The following SOAT1 variants were observed in gnomAD, a reference collection of about 807,000 sequenced individuals.
SOAT1 encodes sterol O-acyltransferase 1, also known as acyl-coenzyme A:cholesterol acyltransferase 1.
SOAT1 carries 55 observed loss-of-function variants against 69.5 expected under a neutral mutation model. The observed-to-expected ratio is 0.79, with a 90% CI of 0.64 to 0.99. The LOEUF is 0.99. SOAT1 is among the 50% of genes least tolerant of loss of function. The pLI is 0.00. For synonymous variants in SOAT1, 231 were observed against 224.7 expected, an observed-to-expected ratio of 1.03 and a Z score of -0.25; for missense variants, 580 against 669.3, an observed-to-expected ratio of 0.87 and a Z score of 1.47.
intron 2 of SOAT1, among the ~76,000 whole-genome samples, chr1:179,308,762 G>GA (rs1665116070): frequency 6.7e-6 from 1 of 149,502 alleles, no homozygotes; most frequent in South Asian, 2.1e-4. Flanking sequence ...TATACTCATT[G>GA]AAAAAATTCA....
intron 1 of SOAT1, among the ~76,000 whole-genome samples, chr1:179,295,039 C>G (rs1664585648): frequency 6.6e-6 from 1 of 151,800 alleles, no homozygotes; most frequent in African/African-American, 2.4e-5. Context: ...TTGGAAGGAG[C>G]TCTGTGGCAC....
In SOAT1 at chr1:179,353,689, C is replaced by A. The variant is rs760663577; in HGVS notation, c.*48C>A. ...TTGTCACTGAAGATTGGGTAGCTCC[C>A]TGATTTGGAGCCAGCTGTTTCCAGT... is the stretch of plus-strand genomic sequence containing the variant. On this transcript the variant is annotated 3_prime_UTR_variant, in exon 16 of 16. Coordinates refer to ENST00000367619, the MANE Select transcript of SOAT1 (RefSeq NM_003101.6). 4.9e-5 allele frequency: 72 copies of A among 1,475,836 alleles called. No individual in the cohort carries two copies. The Admixed American group carries it at 1.2e-3, about 25-fold the overall frequency. The allele number at this position is 1,475,836 out of a possible 1,614,324, so 91.4% of individuals were successfully genotyped here. A position where few individuals can be genotyped will look rare whatever the true frequency, so the allele number is the denominator to read the frequency against.
intron 11 of SOAT1, among the ~76,000 whole-genome samples, chr1:179,347,078 G>C (rs1666556271): frequency 6.6e-6 from 1 of 151,940 alleles, no homozygotes; most frequent in South Asian, 2.1e-4. Flanking sequence ...GACTGGGTAG[G>C]CTGGGCGCGA....
At chr1:179,299,745 C>CTTTTTTTTTTTTTTTTTT (rs1162260815) in intron 1 of SOAT1, among the ~76,000 whole-genome samples, 4 of 69,520 alleles carry the variant, frequency 5.8e-5, no homozygotes, top group Non-Finnish European at 1.0e-4. Flanking sequence ...ATTTTGCTAT[C>CTTTTTTTTTTTTTTTTTT]TTTTTTTTTT....
intron 3 of SOAT1, among the ~76,000 whole-genome samples, chr1:179,326,496 G>A (rs1665795055): frequency 6.7e-6 from 1 of 150,354 alleles, no homozygotes; most frequent in South Asian, 2.1e-4. Flanking sequence ...TCAATTATTT[G>A]CTGTCTAATG....
At chr1:179,347,535 A>C in intron 11 of SOAT1, 65 bp from the exon 12 acceptor site, 1 of 867,176 alleles carries the variant, frequency 1.2e-6, no homozygotes, top group Non-Finnish European at 1.9e-6. Context: ...ATGATGTGAT[A>C]TAATTAGTTG....
chr1:179,304,639 C>T (rs932977375), intron 2 of SOAT1, among the ~76,000 whole-genome samples: 3 of 151,728 alleles, frequency 2.0e-5, no homozygotes, highest in Non-Finnish European at 4.4e-5. Flanking sequence ...CCCCCATCCC[C>T]TTCTCTTCCT....
rs954865108 is a variant in SOAT1 at position 179,308,814 on chromosome 1, A to AT, written c.118+6021dup. ...ATTAAGTAATACTTCCTCAAGTAAC[A>AT]TTTTTTTTTACATGTGGGATCATAT... On this transcript the variant is annotated intron_variant, in intron 2 of 15. Coordinates refer to ENST00000367619, the MANE Select transcript of SOAT1 (RefSeq NM_003101.6). 6.0e-5 allele frequency among the ~76,000 whole-genome samples: 9 copies of AT among 148,776 alleles called. No individual in the cohort carries two copies. The South Asian group carries it at 1.1e-3, about 18-fold the overall frequency.
Position 179,295,278 on chromosome 1 carries a change from C to T in SOAT1, c.-9+1342C>T, listed in dbSNP as rs139172776. On this transcript the variant is annotated intron_variant, in intron 1 of 15. Transcript: ENST00000367619. ...CTTGGCTTTTAGGAGTTTCCTCCAC[C>T]TCTAATGCTGTATTCTCTCCCTCCC... 3.3e-5 allele frequency among the ~76,000 whole-genome samples: 5 copies of T among 152,256 alleles called. No homozygotes were observed. The East Asian group carries it at 9.7e-4, about 29-fold the overall frequency.
intron 2 of SOAT1, among the ~76,000 whole-genome samples, chr1:179,310,208 A>ATTT (rs35647660): frequency 6.7e-6 from 1 of 150,180 alleles, no homozygotes; most frequent in Admixed American, 6.7e-5. Flanking sequence ...CTGCTTATAG[A>ATTT]TATTTTTTTT....
chr1:179,343,355 G>T (rs1443292733), intron 9 of SOAT1, among the ~76,000 whole-genome samples: 1 of 151,850 alleles, frequency 6.6e-6, no homozygotes, highest in African/African-American at 2.4e-5. Flanking sequence ...ATCCCAAGTA[G>T]CTGGCATTAC....
At chr1:179,320,989 T>A (rs932083408) in intron 2 of SOAT1, among the ~76,000 whole-genome samples, 1 of 151,822 alleles carries the variant, frequency 6.6e-6, no homozygotes, top group Admixed American at 6.6e-5. Context: ...TACTGCAACC[T>A]CTGCCTCCTG....
intron 7 of SOAT1, 156 bp from the exon 8 acceptor site, chr1:179,341,958 C>A: frequency 1.8e-6 from 1 of 552,760 alleles, no homozygotes; most frequent in Non-Finnish European, 2.3e-6. Flanking sequence ...ATTGTTTTGT[C>A]ATGTAACTAT....
chr1:179,302,529 C>A, intron 1 of SOAT1, 148 bp from the exon 2 acceptor site: 1 of 473,860 alleles, frequency 2.1e-6, no homozygotes, highest in South Asian at 4.6e-5. Context: ...GGTCTTCTGC[C>A]ATGATTGTAA....
chr1:179,300,676 A>G (rs1183604464), intron 1 of SOAT1, among the ~76,000 whole-genome samples: 3 of 152,202 alleles, frequency 2.0e-5, no homozygotes, highest in Non-Finnish European at 1.5e-5. Flanking sequence ...GAAAAACTGT[A>G]GTCTCAGAAT....
intron 1 of SOAT1, among the ~76,000 whole-genome samples, chr1:179,300,117 C>G (rs991600974): frequency 6.6e-6 from 1 of 151,464 alleles, no homozygotes; most frequent in African/African-American, 2.4e-5. Flanking sequence ...AAAAGAGTAT[C>G]TACTTTAAAT....
At chr1:179,307,303 G>T (rs1665041444) in intron 2 of SOAT1, among the ~76,000 whole-genome samples, 2 of 152,092 alleles carry the variant, frequency 1.3e-5, no homozygotes, top group African/African-American at 4.8e-5. Context: ...TCATCAAGAT[G>T]GTAAACTAAA....
chr1:179,307,116 ACT>A (rs1209928914), intron 2 of SOAT1, among the ~76,000 whole-genome samples: 4 of 152,224 alleles, frequency 2.6e-5, no homozygotes, highest in Non-Finnish European at 5.9e-5. Context: ...GAGTGAAAAC[ACT>A]GTTTGCCAAA....
Position 179,347,477 on chromosome 1 carries a change from A to G in SOAT1, c.1118-123A>G, listed in dbSNP as rs1053454214. On this transcript the variant is annotated intron_variant, in intron 11 of 15. Transcript: ENST00000367619. ...AAGTATATCATCTCTGGAATGGGTA[A>G]ACTGGAATAATAACTTATATTTTAC... 2.6e-5 allele frequency: 16 copies of G among 607,560 alleles called. No homozygotes were observed. In the African/African-American group the frequency reaches 2.8e-4, roughly 11 times the overall value. 37.6% of individuals were successfully genotyped at this position (607,560 alleles called of 1,614,324 possible).
Sources: allele counts gnomAD v4.1 joint callset (sites outside exome capture counted in the v4.1 genomes callset), GRCh38; gene constraint gnomAD v4.1.1; transcripts MANE v1.5; gene names NCBI Gene and HGNC (gene_info 2026-07-23, HGNC 2026-07-21).